The following CNTN4 variants were observed in gnomAD, a reference collection of about 807,000 sequenced individuals.
CNTN4 encodes contactin-4.
CNTN4 carries 77 observed loss-of-function variants against 122.5 expected under a neutral mutation model. The ratio of observed to expected loss-of-function variants is 0.63; its 90% CI spans 0.52 to 0.76. The LOEUF (loss-of-function observed/expected upper bound fraction) is 0.76. Among genes scored for constraint, CNTN4 ranks in the 30% least tolerant of loss-of-function variants. The probability of loss-of-function intolerance (pLI) is 0.00; values close to 1 mark genes in which losing one functional copy is unlikely to be tolerated. For missense variants in CNTN4, 1,256 were observed against 1,259.1 expected (o/e 1.00, Z 0.04); for synonymous variants, 512 against 447.0 (o/e 1.15, Z -1.83).
At chr3:2,593,522 T>C (rs916926380) in intron 4 of CNTN4, among the ~76,000 whole-genome samples, 1 of 152,146 alleles carries the variant, frequency 6.6e-6, no homozygotes, top group African/African-American at 2.4e-5. Flanking sequence ...AAGTAATAGT[T>C]ATTGATTTTT....
In CNTN4 at chr3:2,982,466, T is replaced by A. The variant is rs1470429697; in HGVS notation, c.1359-5879T>A. ...GACAGAAATGGGCTCAAAAATGTCATAAGGTCTCTGCTTCTCTTTCTCTCT... is the reference window on the plus strand; with the variant it reads ...GACAGAAATGGGCTCAAAAATGTCAAAAGGTCTCTGCTTCTCTTTCTCTCT... On this transcript the variant is annotated intron_variant, in intron 13 of 24. Transcript: ENST00000418658. Among the ~76,000 whole-genome samples the A allele has an allele frequency of 2.0e-5, 3 of 152,322 alleles. No homozygotes were observed. The East Asian group carries it at 5.8e-4, about 29-fold the overall frequency.
At chr3:2,474,029 T>A (rs980156266) in intron 3 of CNTN4, among the ~76,000 whole-genome samples, 4 of 147,710 alleles carry the variant, frequency 2.7e-5, no homozygotes, top group African/African-American at 9.8e-5. Flanking sequence ...AAAAAAAAAA[T>A]ATTGCCAAGT....
At chr3:3,024,876 T>C (rs1321856842) in intron 14 of CNTN4, among the ~76,000 whole-genome samples, 1 of 152,172 alleles carries the variant, frequency 6.6e-6, no homozygotes, top group African/African-American at 2.4e-5. Context: ...TGAATAAATA[T>C]TTATGTACCT....
intron 6 of CNTN4, among the ~76,000 whole-genome samples, chr3:2,801,739 T>C (rs2092352672): frequency 6.6e-6 from 1 of 151,096 alleles, no homozygotes; most frequent in South Asian, 2.1e-4. Flanking sequence ...TGAGATGTTG[T>C]TTTTGCCCTC....
chr3:2,973,038 A>T (rs888752666), intron 13 of CNTN4, among the ~76,000 whole-genome samples: 1 of 152,050 alleles, frequency 6.6e-6, no homozygotes, highest in Non-Finnish European at 1.5e-5. Context: ...ATGTTCTGTC[A>T]TCATGAGAAT....
intron 4 of CNTN4, among the ~76,000 whole-genome samples, chr3:2,604,148 C>T (rs2081162356): frequency 6.6e-6 from 1 of 152,172 alleles, no homozygotes; most frequent in Non-Finnish European, 1.5e-5. Context: ...AAGTAGGATT[C>T]TACCATATAT....
chr3:2,569,666 CAA>C (rs2079333053), intron 3 of CNTN4, among the ~76,000 whole-genome samples: 1 of 151,934 alleles, frequency 6.6e-6, no homozygotes, highest in Non-Finnish European at 1.5e-5. Context: ...AAACAAGATT[CAA>C]AGAGAGGCTA....
At chr3:2,810,399 T>G (rs1373427300) in intron 6 of CNTN4, among the ~76,000 whole-genome samples, 2 of 152,228 alleles carry the variant, frequency 1.3e-5, no homozygotes, top group Non-Finnish European at 2.9e-5. Context: ...CTATTTTTAA[T>G]TCTTGCCTAG....
chr3:2,294,881 C>A (rs887268008), intron 2 of CNTN4, among the ~76,000 whole-genome samples: 54 of 151,982 alleles, frequency 3.6e-4, no homozygotes, highest in African/African-American at 1.3e-3. Context: ...CCTGTGTCCA[C>A]GTGTTCTCAT....
At chr3:2,980,816 T>G (rs1030087152) in intron 13 of CNTN4, among the ~76,000 whole-genome samples, 2 of 152,128 alleles carry the variant, frequency 1.3e-5, no homozygotes, top group Non-Finnish European at 2.9e-5. Flanking sequence ...GGTATCTGAT[T>G]TACATGGGGC....
intron 3 of CNTN4, among the ~76,000 whole-genome samples, chr3:2,371,818 A>C (rs6793455): frequency 6.6e-6 from 1 of 152,030 alleles, no homozygotes; most frequent in African/African-American, 2.4e-5. Flanking sequence ...GCTAAATTGA[A>C]GCTGATGTGA....
At chr3:2,537,344 A>G (rs1264221292) in intron 3 of CNTN4, among the ~76,000 whole-genome samples, 2 of 152,036 alleles carry the variant, frequency 1.3e-5, no homozygotes, top group African/African-American at 2.4e-5. Flanking sequence ...CTGAAGGATA[A>G]TAACTGAATA....
intron 4 of CNTN4, among the ~76,000 whole-genome samples, chr3:2,574,912 G>T (rs532593804): frequency 6.6e-6 from 1 of 151,800 alleles, no homozygotes; most frequent in Non-Finnish European, 1.5e-5. Context: ...ATTTAAATTG[G>T]TTTTAAAAGT....
chr3:2,758,516 A>C (rs377086154), intron 6 of CNTN4, among the ~76,000 whole-genome samples: 2 of 67,256 alleles, frequency 3.0e-5, no homozygotes, highest in Admixed American at 2.1e-4. Flanking sequence ...TCAACACCAT[A>C]CTTTTTTTTT....
intron 3 of CNTN4, among the ~76,000 whole-genome samples, chr3:2,475,024 G>A (rs1159867171): frequency 1.3e-5 from 2 of 152,132 alleles, no homozygotes; most frequent in African/African-American, 4.8e-5. Flanking sequence ...TTCTTAATGA[G>A]AAGGAGGTAT....
At chr3:2,347,795 A>C (rs1351982077) in intron 3 of CNTN4, among the ~76,000 whole-genome samples, 2 of 150,638 alleles carry the variant, frequency 1.3e-5, no homozygotes, top group Non-Finnish European at 3.0e-5. Context: ...CCAAATGTTC[A>C]TTTTTTTTTT....
At chr3:2,585,846 A>G (rs1040537890) in intron 4 of CNTN4, among the ~76,000 whole-genome samples, 2 of 151,716 alleles carry the variant, frequency 1.3e-5, no homozygotes, top group East Asian at 2.0e-4. Flanking sequence ...AATAAAAAAA[A>G]AAAAGAAAAG....
intron 4 of CNTN4, among the ~76,000 whole-genome samples, chr3:2,650,094 A>T (rs893380424): frequency 3.6e-5 from 5 of 140,698 alleles, no homozygotes; most frequent in African/African-American, 1.0e-4. Flanking sequence ...TATATATATA[A>T]AAGGGAAGGG....
intron 3 of CNTN4, among the ~76,000 whole-genome samples, chr3:2,507,201 C>G (rs568037404): frequency 6.6e-6 from 1 of 152,150 alleles, no homozygotes; most frequent in East Asian, 1.9e-4. Context: ...TTCCCTTGGG[C>G]CAGGGTATCT....
Sources: allele counts gnomAD v4.1 joint callset (sites outside exome capture counted in the v4.1 genomes callset), GRCh38; gene constraint gnomAD v4.1.1; transcripts MANE v1.5; gene names NCBI Gene and HGNC (gene_info 2026-07-23, HGNC 2026-07-21).